The following RAD51B variants were observed in gnomAD, a reference collection of about 807,000 sequenced individuals.
The protein encoded by RAD51B is RAD51 paralog B.
A neutral mutation model predicts 42.2 loss-of-function variants in RAD51B; 38 were observed. The ratio of observed to expected loss-of-function variants is 0.90; its 90% CI spans 0.70 to 1.18. RAD51B has a LOEUF of 1.18. Ranked by LOEUF, RAD51B falls within the 50% of genes most tolerant of loss-of-function variation. The pLI is 0.00. For synonymous variants in RAD51B, 154 were observed against 145.2 expected (o/e 1.06, Z -0.43); for missense variants, 373 against 400.7 (o/e 0.93, Z 0.59).
At chr14:68,542,899 C>T (rs2140370417) in intron 10 of RAD51B, among the ~76,000 whole-genome samples, 1 of 152,256 alleles carries the variant, frequency 6.6e-6, no homozygotes, top group Middle Eastern at 3.4e-3. Context: ...CTGTCTTATA[C>T]CAAGGAGACA....
intron 7 of RAD51B, among the ~76,000 whole-genome samples, chr14:68,163,792 T>C (rs2078695162): frequency 1.3e-5 from 2 of 152,210 alleles, no homozygotes. Flanking sequence ...GAATTCAATT[T>C]GCAGTTTCCC....
chr14:67,922,880 C>T (rs1300279581), intron 7 of RAD51B, among the ~76,000 whole-genome samples: 6 of 151,972 alleles, frequency 3.9e-5, no homozygotes, highest in African/African-American at 1.5e-4. Flanking sequence ...TTAGTAGAGA[C>T]GAGGTTTCGC....
At chr14:68,283,493 A>G (rs1040013411) in intron 7 of RAD51B, among the ~76,000 whole-genome samples, 1 of 152,202 alleles carries the variant, frequency 6.6e-6, no homozygotes, top group Non-Finnish European at 1.5e-5. Context: ...ACTAACTGCA[A>G]AATTGCACAC....
chr14:68,277,038 T>G (rs1416370660), intron 7 of RAD51B, among the ~76,000 whole-genome samples: 1 of 152,188 alleles, frequency 6.6e-6, no homozygotes, highest in Admixed American at 6.5e-5. Flanking sequence ...GAAGGAAGCC[T>G]TAAATATAAA....
At position 67,910,910 on chromosome 14, in the gene RAD51B, C is replaced by T. The variant is rs144024921; in HGVS notation, c.756+23706C>T. Among the ~76,000 whole-genome samples, 1,337 of 151,768 alleles carry T rather than the reference C, an allele frequency of 8.8e-3. 19 individuals carry two copies. The highest frequency in any genetic ancestry group is 0.03 in the African/African-American group (1,259 of 41,306). The stretch of plus-strand genomic sequence containing the variant: ...CACTGCAACCTCCGCCTCCCAGGTT[C>T]AAGCATTTCTCTTGCCTCAGCCTCC... On this transcript the variant is annotated intron_variant, in intron 7 of 10. Coordinates refer to ENST00000471583, the MANE Select transcript of RAD51B (RefSeq NM_133510.4).
At chr14:68,347,262 T>C (rs904648282) in intron 8 of RAD51B, among the ~76,000 whole-genome samples, 4 of 152,260 alleles carry the variant, frequency 2.6e-5, no homozygotes, top group East Asian at 1.9e-4. Context: ...TATTTACCTA[T>C]GCATGAAAGA....
At chr14:67,837,458 C>G (rs1185121263) in intron 4 of RAD51B, among the ~76,000 whole-genome samples, 1 of 152,096 alleles carries the variant, frequency 6.6e-6, no homozygotes, top group South Asian at 2.1e-4. Flanking sequence ...AGTTACAAGC[C>G]TTTTAGGTGT....
intron 7 of RAD51B, among the ~76,000 whole-genome samples, chr14:68,089,909 A>C (rs556820207): frequency 6.6e-6 from 1 of 152,230 alleles, no homozygotes; most frequent in South Asian, 2.1e-4. Context: ...AAATTATATT[A>C]TTTTAGATTT....
intron 7 of RAD51B, among the ~76,000 whole-genome samples, chr14:68,221,551 C>G (rs1001247582): frequency 6.6e-6 from 1 of 152,138 alleles, no homozygotes; most frequent in African/African-American, 2.4e-5. Flanking sequence ...GAAGATGGAT[C>G]AAAGACTTAA....
intron 7 of RAD51B, among the ~76,000 whole-genome samples, chr14:67,904,288 T>C (rs1325853678): frequency 6.6e-6 from 1 of 152,124 alleles, no homozygotes; most frequent in African/African-American, 2.4e-5. Context: ...GATTGCTAGG[T>C]TGAACGATAG....
chr14:68,134,714 A>G (rs1290871790), intron 7 of RAD51B, among the ~76,000 whole-genome samples: 1 of 152,098 alleles, frequency 6.6e-6, no homozygotes, highest in Non-Finnish European at 1.5e-5. Flanking sequence ...TGCCATCTAT[A>G]TATCCCGCTT....
intron 7 of RAD51B, among the ~76,000 whole-genome samples, chr14:68,048,087 A>G (rs1395136388): frequency 6.6e-6 from 1 of 152,226 alleles, no homozygotes; most frequent in Non-Finnish European, 1.5e-5. Context: ...ACTGAATTTT[A>G]CAGTATTTAG....
intron 10 of RAD51B, among the ~76,000 whole-genome samples, chr14:68,490,306 C>G (rs544965332): frequency 6.6e-6 from 1 of 152,048 alleles, no homozygotes; most frequent in Non-Finnish European, 1.5e-5. Context: ...TTAAAAATTT[C>G]TAGAGAGACT....
chr14:67,828,805 C>A (rs575430884), intron 3 of RAD51B, among the ~76,000 whole-genome samples: 1 of 152,020 alleles, frequency 6.6e-6, no homozygotes, highest in Admixed American at 6.6e-5. Context: ...TGTAGGTGTG[C>A]GGTCTTATTT....
chr14:68,540,472 A>G (rs1010228719), intron 10 of RAD51B: 12 of 985,220 alleles, frequency 1.2e-5, no homozygotes, highest in Non-Finnish European at 1.2e-6. Flanking sequence ...TCATGTGGAA[A>G]TGAGAGACTT....
At chr14:68,060,336 G>T (rs1012206765) in intron 7 of RAD51B, among the ~76,000 whole-genome samples, 2 of 152,106 alleles carry the variant, frequency 1.3e-5, no homozygotes, top group Admixed American at 1.3e-4. Flanking sequence ...GCAGTAAGTG[G>T]CCGACTTCAG....
intron 8 of RAD51B, among the ~76,000 whole-genome samples, chr14:68,365,240 GA>G (rs2083117181): frequency 6.6e-6 from 1 of 152,220 alleles, no homozygotes; most frequent in African/African-American, 2.4e-5. Context: ...CCTGTAAGTA[GA>G]ATAAAGAGGA....
chr14:67,924,555 G>A (rs749346466), intron 7 of RAD51B, among the ~76,000 whole-genome samples: 1 of 152,192 alleles, frequency 6.6e-6, no homozygotes, highest in Non-Finnish European at 1.5e-5. Flanking sequence ...AGCAAGTCAT[G>A]TCTTACATGG....
At chr14:68,400,086 G>A (rs1367423412) in intron 8 of RAD51B, among the ~76,000 whole-genome samples, 2 of 152,102 alleles carry the variant, frequency 1.3e-5, no homozygotes, top group Admixed American at 1.3e-4. Flanking sequence ...ACCCAGGCCT[G>A]ATTCTTCACA....
Sources: allele counts gnomAD v4.1 joint callset (sites outside exome capture counted in the v4.1 genomes callset), GRCh38; gene constraint gnomAD v4.1.1; transcripts MANE v1.5; gene names NCBI Gene and HGNC (gene_info 2026-07-23, HGNC 2026-07-21).